The following MTHFD1L variants were observed in gnomAD, a reference collection of about 807,000 sequenced individuals.
The protein encoded by MTHFD1L is methylenetetrahydrofolate dehydrogenase (NADP+ dependent) 1 like.
In MTHFD1L, 81 loss-of-function variants were observed where a neutral mutation model predicts 119.5. The ratio of observed to expected loss-of-function variants is 0.68; its 90% CI spans 0.57 to 0.82. MTHFD1L has a LOEUF of 0.82. Among genes scored for constraint, MTHFD1L ranks in the 40% least tolerant of loss-of-function variants. The pLI, the probability that MTHFD1L is intolerant of heterozygous loss-of-function variation, is 0.00. For missense variants in MTHFD1L, 1,125 were observed against 1,253.4 expected, an observed-to-expected ratio of 0.90 and a Z score of 1.55; for synonymous variants, 430 against 475.2, an observed-to-expected ratio of 0.90 and a Z score of 1.24.
chr6:150,956,620 T>A (rs766748983), intron 17 of MTHFD1L, among the ~76,000 whole-genome samples: 1 of 152,222 alleles, frequency 6.6e-6, no homozygotes, highest in Non-Finnish European at 1.5e-5. Flanking sequence ...ACTTAGGGAA[T>A]ACAAATTAAT....
chr6:150,965,871 AAC>A (rs1261871418), intron 19 of MTHFD1L, among the ~76,000 whole-genome samples: 1 of 152,202 alleles, frequency 6.6e-6, no homozygotes, highest in African/African-American at 2.4e-5. Flanking sequence ...CAAGTCAATA[AAC>A]ACACAGCATG....
In MTHFD1L at chr6:150,922,269, G is replaced by C; in HGVS notation, c.1049G>C (p.Cys350Ser). ...EQQHRRWRLHCLKLQPLSPVP... is the reference protein window; with the variant it reads ...EQQHRRWRLHSLKLQPLSPVP... ...CAGCACAGGCGGTGGAGACTTCACT[G>C]CTTGAAACTTCAGCCTCTCTCCCCT... Residue 350 changes from cysteine to serine, a missense_variant, in exon 10 of 28, where the codon TGC becomes TCC. Around this residue, in one of 3 missense-constraint regions of MTHFD1L, gnomAD observed 1,058 missense variants for 1,151.2 expected, o/e 0.92. Transcript: ENST00000367321. 1.2e-6 allele frequency: 2 copies of C among 1,614,038 alleles called. No homozygotes were observed. The highest frequency in any genetic ancestry group is 1.7e-6 in the Non-Finnish European group (2 of 1,179,930).
intron 20 of MTHFD1L, among the ~76,000 whole-genome samples, chr6:150,998,059 C>T (rs1470633379): frequency 1.3e-5 from 2 of 152,172 alleles, no homozygotes; most frequent in Admixed American, 6.5e-5. Flanking sequence ...TTATATGACA[C>T]CATGTGTGTG....
At chr6:151,003,902 G>A (rs1285944207) in intron 20 of MTHFD1L, among the ~76,000 whole-genome samples, 1 of 151,360 alleles carries the variant, frequency 6.6e-6, no homozygotes. Context: ...GTGCACAGGA[G>A]AAAGTTAGAG....
chr6:151,019,748 T>C (rs1423842852), intron 24 of MTHFD1L, among the ~76,000 whole-genome samples: 2 of 152,356 alleles, frequency 1.3e-5, no homozygotes, highest in South Asian at 4.1e-4. Context: ...GCCTGTTAGC[T>C]GTGTTCCTCA....
intron 20 of MTHFD1L, chr6:150,985,026 T>C (rs1343516781): frequency 6.6e-6 from 1 of 152,160 alleles, no homozygotes; most frequent in Admixed American, 6.5e-5. Context: ...GTTTCTCCAA[T>C]ACCTACCTCC....
At chr6:150,892,921 GCTGT>G (rs1783561696) in intron 7 of MTHFD1L, among the ~76,000 whole-genome samples, 1 of 149,370 alleles carries the variant, frequency 6.7e-6, no homozygotes, top group South Asian at 2.1e-4. Context: ...CCACTCAATG[GCTGT>G]CTGGAGGCCA....
chr6:151,029,535 G>A (rs1462850505), intron 24 of MTHFD1L, among the ~76,000 whole-genome samples: 3 of 149,050 alleles, frequency 2.0e-5, no homozygotes, highest in East Asian at 2.0e-4. Context: ...AGTGGCTCAC[G>A]CCTGTAATCC....
intron 1 of MTHFD1L, 186 bp downstream of exon 1, chr6:150,866,235 G>T (rs1778274022): frequency 2.2e-6 from 3 of 1,388,982 alleles, no homozygotes; most frequent in Non-Finnish European, 9.3e-7. Flanking sequence ...GAGCGCTGGC[G>T]GAGAACGGGG....
At chr6:151,015,959 C>A (rs1473128637) in intron 24 of MTHFD1L, among the ~76,000 whole-genome samples, 1 of 152,018 alleles carries the variant, frequency 6.6e-6, no homozygotes, top group Non-Finnish European at 1.5e-5. Flanking sequence ...TGGTGGCGTG[C>A]ACCTATAGTC....
At chr6:151,020,007 A>G (rs2128500042) in intron 24 of MTHFD1L, among the ~76,000 whole-genome samples, 1 of 152,296 alleles carries the variant, frequency 6.6e-6, no homozygotes, top group Non-Finnish European at 1.5e-5. Flanking sequence ...AAGATATGGC[A>G]TTGCTCTATA....
chr6:151,093,876 C>T (rs1263449708), intron 27 of MTHFD1L, among the ~76,000 whole-genome samples: 3 of 152,176 alleles, frequency 2.0e-5, no homozygotes, highest in Admixed American at 2.0e-4. Flanking sequence ...CACTTGATGA[C>T]TTCGGGTTTG....
At chr6:150,869,683 T>C (rs575982393) in intron 1 of MTHFD1L, among the ~76,000 whole-genome samples, 26 of 151,842 alleles carry the variant, frequency 1.7e-4, no homozygotes, top group Admixed American at 1.7e-3. Flanking sequence ...TTGAGTTATG[T>C]GCATGGTTTA....
intron 26 of MTHFD1L, among the ~76,000 whole-genome samples, chr6:151,065,084 G>A (rs1791088501): frequency 6.6e-6 from 1 of 152,208 alleles, no homozygotes; most frequent in African/African-American, 2.4e-5. Flanking sequence ...GATTACAGGT[G>A]TGAGCCACCA....
chr6:150,961,054 C>T (rs1050100779), intron 18 of MTHFD1L, among the ~76,000 whole-genome samples: 2 of 148,916 alleles, frequency 1.3e-5, no homozygotes, highest in African/African-American at 4.9e-5. Flanking sequence ...TTTTCTTCTT[C>T]GTCTTTCTGG....
intron 4 of MTHFD1L, among the ~76,000 whole-genome samples, chr6:150,879,159 C>T (rs2128748971): frequency 6.6e-6 from 1 of 152,324 alleles, no homozygotes; most frequent in Admixed American, 6.5e-5. Flanking sequence ...GTGTTTGCCA[C>T]ACTTGCCATT....
chr6:151,006,751 T>C (rs1781458801), intron 20 of MTHFD1L, among the ~76,000 whole-genome samples: 2 of 152,262 alleles, frequency 1.3e-5, no homozygotes, highest in African/African-American at 4.8e-5. Flanking sequence ...CTTGACATGT[T>C]AATGTCTCAA....
chr6:151,035,931 C>CTTT (rs1786094732), intron 25 of MTHFD1L, among the ~76,000 whole-genome samples: 1 of 152,114 alleles, frequency 6.6e-6, no homozygotes, highest in South Asian at 2.1e-4. Context: ...TTCTGAAAGA[C>CTTT]AGTTGTGATT....
chr6:151,054,798 A>G (rs1789624343), intron 26 of MTHFD1L: 1 of 152,200 alleles, frequency 6.6e-6, no homozygotes, highest in Non-Finnish European at 1.5e-5. Flanking sequence ...GATTGTCTCT[A>G]AATATGTACA....
Sources: gnomAD v4.1 joint callset for allele counts (sites outside exome capture counted in the v4.1 genomes callset) on GRCh38, gnomAD v4.1.1 for gene constraint, gnomAD v4.1.1 regional missense constraint, MANE v1.5 for transcripts, NCBI Gene and HGNC (gene_info 2026-07-23, HGNC 2026-07-21) for gene names.